The following CHP1 variants were observed in gnomAD, a reference collection of about 807,000 sequenced individuals.
CHP1 encodes the protein calcineurin like EF-hand protein 1, also known as calcineurin B homologous protein 1.
Under a neutral mutation model 27.4 loss-of-function variants are expected in CHP1, and 11 were observed. The observed-to-expected ratio is 0.40, with a 90% confidence interval of 0.25 to 0.67. The LOEUF (loss-of-function observed/expected upper bound fraction) is 0.67, where lower values mean the gene tolerates loss of function less well. CHP1 is among the 30% of genes least tolerant of loss of function. The pLI, the probability that CHP1 is intolerant of heterozygous loss-of-function variation, is 0.38. For missense variants in CHP1, 169 were observed against 251.3 expected (o/e 0.67, Z 2.22); for synonymous variants, 89 against 87.4 (o/e 1.02, Z -0.10).
chr15:41,232,208 ATTTTTTTT>A (rs541011609), intron 1 of CHP1, among the ~76,000 whole-genome samples: 2 of 131,646 alleles, frequency 1.5e-5, no homozygotes. Context: ...CTAGGAACTG[ATTTTTTTT>A]TTTTTTTTTT....
At chr15:41,278,641 G>A in intron 5 of CHP1, 126 bp from the exon 6 acceptor site, 1 of 1,060,870 alleles carries the variant, frequency 9.4e-7, no homozygotes, top group Non-Finnish European at 1.4e-6. Flanking sequence ...ACATTATTAT[G>A]CAGTGCATGA....
chr15:41,264,261 A>G, intron 4 of CHP1: 1 of 1,255,080 alleles, frequency 8.0e-7, no homozygotes, highest in Non-Finnish European at 1.0e-6. Flanking sequence ...CACTTTGATA[A>G]GTCAGTTCAG....
At chr15:41,274,299 G>C (rs975301807) in intron 5 of CHP1, among the ~76,000 whole-genome samples, 3 of 152,190 alleles carry the variant, frequency 2.0e-5, no homozygotes, top group Non-Finnish European at 2.9e-5. Context: ...AACATGGACA[G>C]GTAGAGGGAG....
intron 5 of CHP1, among the ~76,000 whole-genome samples, chr15:41,273,844 A>G (rs905521872): frequency 1.3e-5 from 2 of 151,580 alleles, no homozygotes; most frequent in African/African-American, 2.4e-5. Flanking sequence ...GGGAGGCTGA[A>G]GTAGGAGAAT....
chr15:41,271,739 C>G (rs1169801945), intron 5 of CHP1, among the ~76,000 whole-genome samples: 3 of 152,168 alleles, frequency 2.0e-5, no homozygotes, highest in Admixed American at 2.0e-4. Flanking sequence ...AGGGCAGATT[C>G]AGGAGCAACC....
intron 2 of CHP1, among the ~76,000 whole-genome samples, chr15:41,252,569 G>A (rs2047375417): frequency 1.3e-5 from 2 of 152,172 alleles, no homozygotes; most frequent in Non-Finnish European, 2.9e-5. Context: ...GCAACAACCT[G>A]TGGGTGCTTG....
chr15:41,244,605 G>T (rs907653405), intron 2 of CHP1, among the ~76,000 whole-genome samples: 3 of 152,100 alleles, frequency 2.0e-5, no homozygotes, highest in Non-Finnish European at 2.9e-5. Context: ...AGTGCCTAGT[G>T]GGTTGTGGCC....
intron 5 of CHP1, among the ~76,000 whole-genome samples, chr15:41,278,417 T>G (rs1015818445): frequency 3.3e-5 from 5 of 152,120 alleles, no homozygotes; most frequent in African/African-American, 1.2e-4. Flanking sequence ...TAAACTCTTG[T>G]CATGGGGGTT....
intron 1 of CHP1, among the ~76,000 whole-genome samples, chr15:41,236,105 G>T (rs2140920870): frequency 6.7e-6 from 1 of 149,394 alleles, no homozygotes; most frequent in African/African-American, 2.5e-5. Flanking sequence ...TTGAGACAGG[G>T]TCTCACTCTG....
At chr15:41,244,787 C>G (rs1039747098) in intron 2 of CHP1, among the ~76,000 whole-genome samples, 1 of 152,164 alleles carries the variant, frequency 6.6e-6, no homozygotes, top group African/African-American at 2.4e-5. Flanking sequence ...TTACCATAAT[C>G]AAATGAAATA....
At chr15:41,249,037 A>G (rs1417171281) in intron 2 of CHP1, among the ~76,000 whole-genome samples, 1 of 152,104 alleles carries the variant, frequency 6.6e-6, no homozygotes, top group Non-Finnish European at 1.5e-5. Context: ...ACTCTTCTCT[A>G]GTAGAATGAT....
At chr15:41,261,191 G>A (rs2047431391) in intron 3 of CHP1, among the ~76,000 whole-genome samples, 1 of 143,522 alleles carries the variant, frequency 7.0e-6, no homozygotes, top group Admixed American at 7.3e-5. Flanking sequence ...GTCTTGCTGT[G>A]TCACCCAGGC....
Position 41,231,331 on chromosome 15 carries a change from T to A in CHP1, c.-52T>A. The A allele has an allele frequency of 6.6e-7, 1 of 1,523,182 alleles. No individual in the cohort carries two copies. Among genetic ancestry groups the A allele is most frequent in the Non-Finnish European group, 8.9e-7 (1 of 1,117,396 alleles). The allele number at this position is 1,523,182 out of a possible 1,614,324, so 94.4% of individuals were successfully genotyped here. On this transcript the variant is annotated 5_prime_UTR_variant, in exon 1 of 7. Coordinates refer to ENST00000334660, the MANE Select transcript of CHP1 (RefSeq NM_007236.5). The stretch of plus-strand genomic sequence containing the variant: ...CTTCCTTCCCTCCCTCCTTCCCTCC[T>A]GTCGCCGTCTCTTCTGGCGCCGCTG...
intron 1 of CHP1, among the ~76,000 whole-genome samples, chr15:41,233,180 GC>G (rs1218831682): frequency 4.6e-5 from 7 of 152,148 alleles, no homozygotes; most frequent in Non-Finnish European, 8.8e-5. Context: ...ATAACTTCTG[GC>G]CACATTTGTA....
intron 5 of CHP1, among the ~76,000 whole-genome samples, chr15:41,271,098 A>G (rs1160036316): frequency 6.6e-6 from 1 of 152,002 alleles, no homozygotes; most frequent in Non-Finnish European, 1.5e-5. Context: ...TACTAAAAAT[A>G]CAAAAAATTA....
chr15:41,278,756 TG>T lies in CHP1; in HGVS notation c.412-9del, dbSNP rs770597195. On this transcript the variant is annotated splice_polypyrimidine_tract_variant and intron_variant, in intron 5 of 6. Transcript: ENST00000334660. ...CAAGGCCCTTGTAATTCCTGGCTCT[TG>T]GTCTTCCAGGTGCTACGCATGATGG... 5 of 1,614,056 alleles carry T rather than the reference TG, an allele frequency of 3.1e-6. No individual in the cohort carries two copies. The highest frequency in any genetic ancestry group is 4.2e-6 in the Non-Finnish European group (5 of 1,179,916).
At chr15:41,231,506 G>C (rs2047241770) in intron 1 of CHP1, 57 bp downstream of exon 1, 4 of 1,532,886 alleles carry the variant, frequency 2.6e-6, no homozygotes, top group African/African-American at 2.7e-5. Flanking sequence ...TCACAACCAA[G>C]GGCGGCTGTC....
intron 3 of CHP1, among the ~76,000 whole-genome samples, chr15:41,258,001 C>G (rs958784890): frequency 6.6e-6 from 1 of 152,188 alleles, no homozygotes; most frequent in Non-Finnish European, 1.5e-5. Flanking sequence ...CTTGTACACC[C>G]GTGCTTACTC....
intron 5 of CHP1, among the ~76,000 whole-genome samples, chr15:41,275,871 A>C (rs1274136283): frequency 6.6e-6 from 1 of 151,800 alleles, no homozygotes; most frequent in Non-Finnish European, 1.5e-5. Context: ...ATGCACCACC[A>C]CGCCCAGCTA....
Sources: allele counts gnomAD v4.1 joint callset (sites outside exome capture counted in the v4.1 genomes callset), GRCh38; gene constraint gnomAD v4.1.1; transcripts MANE v1.5; gene names NCBI Gene and HGNC (gene_info 2026-07-23, HGNC 2026-07-21).